TOR1A: variants seen among roughly 807,000 people sequenced by gnomAD.
TOR1A encodes the protein torsin family 1 member A.
In TOR1A, 18 loss-of-function variants were observed where a neutral mutation model predicts 31.4. That is an observed-to-expected ratio of 0.57 (90% CI 0.40 to 0.85). The LOEUF (loss-of-function observed/expected upper bound fraction) is 0.85, where lower values mean the gene tolerates loss of function less well. Among genes scored for constraint, TOR1A ranks in the 40% least tolerant of loss-of-function variants. The pLI is 0.00. For missense variants in TOR1A, 375 were observed against 416.4 expected (o/e 0.90, Z 0.87); for synonymous variants, 168 against 165.9 (o/e 1.01, Z -0.10).
In TOR1A at chr9:129,818,553, C is replaced by T. The variant is rs775770765; in HGVS notation, c.715G>A (p.Ala239Thr). 27 of 1,614,082 alleles carry T rather than the reference C, an allele frequency of 1.7e-5. No homozygotes were observed. The highest frequency in any genetic ancestry group is 1.5e-4 in the Admixed American group (9 of 59,990). Reference sequence around the variant, plus strand: ...TTATTGAAAACCGACACAGACAACGCGTGTTCAATGTCTTTGAGCTTGATG... The same window carrying T: ...TTATTGAAAACCGACACAGACAACGTGTGTTCAATGTCTTTGAGCTTGATG... ...EDIKLKDIEHALSVSVFNNKN... is the reference protein window; with the variant it reads ...EDIKLKDIEHTLSVSVFNNKN... The change falls in exon 4 of 5, where the codon GCG becomes ACG. Residue 239 changes from alanine to threonine, a missense_variant. Ala to Thr is a moderately conservative substitution (Grantham distance 58). Transcript: ENST00000351698.
chr9:129,815,546 C>A (rs868113281), intron 4 of TOR1A, among the ~76,000 whole-genome samples: 4 of 152,190 alleles, frequency 2.6e-5, no homozygotes, highest in South Asian at 2.1e-4. Context: ...GACCTCAGGG[C>A]AGAGCCCGAG....
In TOR1A at chr9:129,823,885, C is replaced by T. The variant is rs542432819; in HGVS notation, c.178+23G>A. The stretch of plus-strand genomic sequence containing the variant: ...GCCCAGCCCCAGCCCCAGCCCCAGC[C>T]TCCAGCCCCCGCCCCAGCCTACCCT... On this transcript the variant is annotated intron_variant, in intron 1 of 4. Transcript: ENST00000351698. 3.9e-6 allele frequency: 6 copies of T among 1,528,514 alleles called. No individual in the cohort carries two copies. In the South Asian group the frequency reaches 5.9e-5, roughly 15 times the overall value. The allele number at this position is 1,528,514 out of a possible 1,614,324, so 94.7% of individuals were successfully genotyped here. A position where few individuals can be genotyped will look rare whatever the true frequency, so the allele number is the denominator to read the frequency against.
At chr9:129,823,573 C>T (rs11792751) in intron 1 of TOR1A, 1 of 358,106 alleles carries the variant, frequency 2.8e-6, no homozygotes, top group East Asian at 6.8e-5. Context: ...TAGCCCGGCC[C>T]TACTGCCATC....
At chr9:129,816,484 TTTTC>T (rs1423189130) in intron 4 of TOR1A, among the ~76,000 whole-genome samples, 4 of 152,208 alleles carry the variant, frequency 2.6e-5, no homozygotes, top group African/African-American at 4.8e-5. Context: ...ATCTGATACA[TTTTC>T]TTTCTTTATT....
intron 2 of TOR1A, among the ~76,000 whole-genome samples, chr9:129,820,697 C>T (rs1040872859): frequency 6.6e-6 from 1 of 152,092 alleles, no homozygotes; most frequent in African/African-American, 2.4e-5. Flanking sequence ...CAGGTTCAAG[C>T]CATCCTTCTG....
In TOR1A at chr9:129,818,238, G is replaced by A. The variant is rs1564183561; in HGVS notation, c.748+282C>T. 8.8e-6 allele frequency: 4 copies of A among 454,434 alleles called. No homozygotes were observed. In the East Asian group the frequency reaches 1.9e-4, roughly 22 times the overall value. 28.2% of individuals were successfully genotyped at this position (454,434 alleles called of 1,614,324 possible). A position where few individuals can be genotyped will look rare whatever the true frequency, so the allele number is the denominator to read the frequency against. ...GAATCGCTTGAGCCCGGGAGGCAGA[G>A]GTTGCAGTGAGGCAAGGTTACGCCA... On this transcript the variant is annotated intron_variant, in intron 4 of 4. Transcript: ENST00000351698.
intron 4 of TOR1A, among the ~76,000 whole-genome samples, chr9:129,817,466 C>T (rs893863891): frequency 3.3e-5 from 5 of 151,066 alleles, no homozygotes; most frequent in African/African-American, 7.3e-5. Flanking sequence ...TTTGGGAGGC[C>T]GAGGCAGGCG....
At position 129,823,010 on chromosome 9, in the gene TOR1A, G is replaced by A. The variant is rs76067018; in HGVS notation, c.179-164C>T. Among the ~76,000 whole-genome samples, 1,820 of 152,250 alleles carry A rather than the reference G, an allele frequency of 0.012. 17 individuals are homozygous for A. Among genetic ancestry groups the A allele is most frequent in the Middle Eastern group, 0.024 (7 of 294 alleles). On this transcript the variant is annotated intron_variant, in intron 1 of 4. Coordinates refer to ENST00000351698, the MANE Select transcript of TOR1A (RefSeq NM_000113.3). ...AAGCTCCTGGCCCAGAGGGGACGGC[G>A]GTCCAGGGAGCCCTCCCTTTGCTGG...
chr9:129,816,755 C>T (rs1296222890), intron 4 of TOR1A, among the ~76,000 whole-genome samples: 1 of 152,210 alleles, frequency 6.6e-6, no homozygotes, highest in East Asian at 1.9e-4. Flanking sequence ...CAGCATTAGG[C>T]TAAAGTTTCC....
intron 2 of TOR1A, chr9:129,822,332 C>A: frequency 3.8e-6 from 2 of 530,294 alleles, no homozygotes; most frequent in South Asian, 2.0e-5. Flanking sequence ...TGATCATGTC[C>A]ACCTCTAAAA....
At chr9:129,821,037 C>G (rs1458642044) in intron 2 of TOR1A, among the ~76,000 whole-genome samples, 2 of 152,178 alleles carry the variant, frequency 1.3e-5, no homozygotes, top group African/African-American at 4.8e-5. Flanking sequence ...CATGGTGGCT[C>G]ATACCTGTAA....
In TOR1A at chr9:129,818,843, C is replaced by T. The variant is rs1297191947; in HGVS notation, c.522G>A (p.Lys174=). 6.2e-7 allele frequency: 1 copy of T among 1,613,888 alleles called. No individual in the cohort carries two copies. The highest frequency in any genetic ancestry group is 8.5e-7 in the Non-Finnish European group (1 of 1,180,042). Residue 174 remains lysine, a synonymous_variant, in exon 3 of 5, where the codon AAG becomes AAA. Coordinates refer to ENST00000351698, the MANE Select transcript of TOR1A (RefSeq NM_000113.3). ...RSIFIFDEMD[K]MHAGLIDAIK... ...TGGCATCTATGAGGCCTGCATGCAT[C>T]TTATCCATTTCATCAAATATGAAGA...
chr9:129,817,256 AG>A (rs954516977), intron 4 of TOR1A, among the ~76,000 whole-genome samples: 1 of 152,208 alleles, frequency 6.6e-6, no homozygotes, highest in Non-Finnish European at 1.5e-5. Flanking sequence ...GTACAAAATA[AG>A]GGCCGAACCG....
rs1200285177 is a variant in TOR1A at position 129,818,923 on chromosome 9, G to A, written c.445-3C>T. On this transcript the variant is annotated splice_region_variant and splice_polypyrimidine_tract_variant and intron_variant, in intron 2 of 4. Coordinates refer to ENST00000351698, the MANE Select transcript of TOR1A (RefSeq NM_000113.3). The stretch of plus-strand genomic sequence containing the variant: ...CGAATCCACAACTGTAACTGATCCT[G>A]AATTAAAAGGGGAAAAAGCGAACAC... 6.2e-7 allele frequency: 1 copy of A among 1,612,272 alleles called. No individual in the cohort carries two copies. Among genetic ancestry groups the A allele is most frequent in the Non-Finnish European group, 8.5e-7 (1 of 1,179,958 alleles).
rs997431119 is a variant in TOR1A at position 129,814,296 on chromosome 9, T to A, written c.749-74A>T. 2.8e-5 allele frequency: 45 copies of A among 1,606,882 alleles called. No individual in the cohort carries two copies. In the East Asian group the frequency reaches 1.0e-3, roughly 36 times the overall value. ...CTATAGACGCCTCCTGGGGGTCACT[T>A]ACCTACCCTCCCATCCGTCCCACAA... is the stretch of plus-strand genomic sequence containing the variant. On this transcript the variant is annotated intron_variant, in intron 4 of 4. Coordinates refer to ENST00000351698, the MANE Select transcript of TOR1A (RefSeq NM_000113.3).
At chr9:129,818,225 C>G (rs1404894286) in intron 4 of TOR1A, 1 of 427,718 alleles carries the variant, frequency 2.3e-6, no homozygotes, top group Non-Finnish European at 4.4e-6. Flanking sequence ...ATCGCTTGAG[C>G]CCGGGAGGCA....
At position 129,822,275 on chromosome 9, in the gene TOR1A, A is replaced by AAAAAAAT. The variant is rs1392647318; in HGVS notation, c.444+299_444+305dup. 7.5e-6 allele frequency: 3 copies of AAAAAAAT among 402,558 alleles called. No individual in the cohort carries two copies. In the Admixed American group the frequency reaches 1.1e-4, roughly 15 times the overall value. The allele number at this position is 402,558 out of a possible 1,614,324, so 24.9% of individuals were successfully genotyped here. ...AGTGAAACTCCGTCTCAAAATAAAG[A>AAAAAAAT]AAAAAATAAAAAAATGAGTGAGATG... On this transcript the variant is annotated intron_variant, in intron 2 of 4. Transcript: ENST00000351698.
chr9:129,818,911 G>C lies in TOR1A; in HGVS notation c.454C>G (p.Gln152Glu). Residue 152 changes from glutamine to glutamate, a missense_variant, in exon 3 of 5, where the codon CAG (glutamine) becomes GAG (glutamate). Transcript: ENST00000351698. Reference protein sequence around the residue: ...SNITLYKDQLQLWIRGNVSAC... With the variant: ...SNITLYKDQLELWIRGNVSAC... ...CTCACGTTGCCTCGAATCCACAACT[G>C]TAACTGATCCTGAATTAAAAGGGGA... 3 of 1,613,232 alleles carry C rather than the reference G, an allele frequency of 1.9e-6. No individual in the cohort carries two copies. Among genetic ancestry groups the C allele is most frequent in the Non-Finnish European group, 2.5e-6 (3 of 1,180,022 alleles).
intron 2 of TOR1A, 97 bp from the exon 3 acceptor site, chr9:129,819,017 A>G (rs1256603369): frequency 5.1e-6 from 7 of 1,380,134 alleles, no homozygotes; most frequent in Non-Finnish European, 6.0e-6. Context: ...CTTACAGACC[A>G]CTGTGCACTC....
Sources: allele counts gnomAD v4.1 joint callset (sites outside exome capture counted in the v4.1 genomes callset), GRCh38; gene constraint gnomAD v4.1.1; transcripts MANE v1.5; gene names NCBI Gene and HGNC (gene_info 2026-07-23, HGNC 2026-07-21).